Variants in ZNF74 observed in about 807,000 individuals in gnomAD.
ZNF74 encodes zinc finger protein 74, also known as zinc finger protein 520.
Under a neutral mutation model 17.7 loss-of-function variants are expected in ZNF74, and 12 were observed. The observed-to-expected ratio is 0.68, with a 90% confidence interval of 0.43 to 1.10. ZNF74 has a LOEUF of 1.10. Ranked by LOEUF, ZNF74 falls within the 50% of genes least tolerant of loss-of-function variation. The pLI is 0.00. For synonymous variants in ZNF74, 358 were observed against 362.1 expected (o/e 0.99, Z 0.13); for missense variants, 811 against 881.0 (o/e 0.92, Z 1.01).
rs758491956 is a variant in ZNF74, at chr22:20,401,274, C to T, written c.248-3C>T. The stretch of plus-strand genomic sequence containing the variant: ...GCCCAGCCCACTTTCTCTCCACGAG[C>T]AGGACCTCCACTGCACAAGCCAGAT... On this transcript the variant is annotated splice_polypyrimidine_tract_variant and splice_region_variant and intron_variant, in intron 3 of 4. Transcript: ENST00000400451. The surrounding 1 kb of genome is among the most constrained non-coding windows in gnomAD (Gnocchi z 4.2). 1 of 1,606,788 alleles carries T rather than the reference C, an allele frequency of 6.2e-7. No homozygotes were observed. The highest frequency in any genetic ancestry group is 1.1e-5 in the South Asian group (1 of 89,886).
rs777582583 is a variant in ZNF74 at position 20,406,884 on chromosome 22, C to T, written c.1851C>T (p.Asp617=). ...DAGLRDVDPI[D]ALDVAKLLCV... ...GACTGAGGGACGTGGATCCCATCGACGCGCTGGATGTGGCAAAGCTCTTGT... is the reference window on the plus strand; with the variant it reads ...GACTGAGGGACGTGGATCCCATCGATGCGCTGGATGTGGCAAAGCTCTTGT... The change falls in exon 5 of 5, where the codon GAC becomes GAT. Residue 617 remains aspartate, a synonymous_variant. Transcript: ENST00000400451. The T allele has an allele frequency of 9.3e-6, 15 of 1,613,922 alleles. No individual in the cohort carries two copies. The Admixed American group carries it at 1.8e-4, about 20-fold the overall frequency.
Position 20,394,296 on chromosome 22 carries a change from C to T in ZNF74, c.-333C>T. On this transcript the variant is annotated 5_prime_UTR_variant, in exon 1 of 5. Transcript: ENST00000400451. ...TCGCTCCGCGTCCGATGGCTCCTGG[C>T]CGCGGAACCTTAGGCCTGGCCCTGG... 2.8e-6 allele frequency: 2 copies of T among 705,486 alleles called. No individual in the cohort carries two copies. Among genetic ancestry groups the T allele is most frequent in the Non-Finnish European group, 5.3e-6 (2 of 380,916 alleles). The allele number at this position is 705,486 out of a possible 1,614,324, so 43.7% of individuals were successfully genotyped here.
rs779753219 is a variant in ZNF74 at position 20,406,971 on chromosome 22, T to C, written c.*3T>C. 6.2e-7 allele frequency: 1 copy of C among 1,607,728 alleles called. No individual in the cohort carries two copies. Among genetic ancestry groups the C allele is most frequent in the Non-Finnish European group, 8.5e-7 (1 of 1,177,024 alleles). Reference sequence around the variant, plus strand: ...TGGGGAGCAAACCTCGAAACTAACATGATGTGCTTTGGTGTCAGTAGCTGC... The same window carrying C: ...TGGGGAGCAAACCTCGAAACTAACACGATGTGCTTTGGTGTCAGTAGCTGC... On this transcript the variant is annotated 3_prime_UTR_variant, in exon 5 of 5. Coordinates refer to ENST00000400451, the MANE Select transcript of ZNF74 (RefSeq NM_003426.4).
chr22:20,397,419 A>G (rs1461035242), intron 2 of ZNF74, among the ~76,000 whole-genome samples: 1 of 152,208 alleles, frequency 6.6e-6, no homozygotes, highest in Non-Finnish European at 1.5e-5. Flanking sequence ...GCACAGTTGT[A>G]CAATTTTAAG....
rs1335850889 is a variant in ZNF74 at position 20,401,417 on chromosome 22, G to A, written c.343+45G>A. ...GAAGGGTGCCAGCCCCAGCACCCCT[G>A]GTGGCACCTCCTCCTATGGCCCCTA... On this transcript the variant is annotated intron_variant, in intron 4 of 4. Transcript: ENST00000400451. The surrounding 1 kb of genome is among the most constrained non-coding windows in gnomAD (Gnocchi z 4.2). 2.3e-6 allele frequency: 3 copies of A among 1,290,660 alleles called. No homozygotes were observed. Among genetic ancestry groups the A allele is most frequent in the African/African-American group, 2.9e-5 (2 of 68,178 alleles). The allele number at this position is 1,290,660 out of a possible 1,614,324, so 80.0% of individuals were successfully genotyped here. A position where few individuals can be genotyped will look rare whatever the true frequency, so the allele number is the denominator to read the frequency against.
At chr22:20,394,750 G>T in intron 1 of ZNF74, 88 bp downstream of exon 1, 1 of 1,273,028 alleles carries the variant, frequency 7.9e-7, no homozygotes, top group Non-Finnish European at 1.1e-6. Context: ...TTTCCCAGAA[G>T]CATCCAGCAT....
intron 4 of ZNF74, among the ~76,000 whole-genome samples, chr22:20,403,197 G>C (rs529839609): frequency 6.6e-6 from 1 of 151,634 alleles, no homozygotes; most frequent in Admixed American, 6.6e-5. Flanking sequence ...AACTTCCCTA[G>C]ACTCTTACCT....
chr22:20,397,680 A>G (rs117166287), intron 2 of ZNF74, among the ~76,000 whole-genome samples: 1 of 152,232 alleles, frequency 6.6e-6, no homozygotes, highest in East Asian at 1.9e-4. Context: ...GTTTATCCAT[A>G]TTGTTGTGTG....
Position 20,395,403 on chromosome 22 carries a change from C to T in ZNF74, c.105C>T (p.Pro35=). The T allele has an allele frequency of 6.2e-7, 1 of 1,604,802 alleles. No homozygotes were observed. The highest frequency in any genetic ancestry group is 1.1e-5 in the South Asian group (1 of 90,422). Residue 35 remains proline, a synonymous_variant, in exon 2 of 5, where the codon CCC becomes CCT. Transcript: ENST00000400451. ...AGGATATATCGGGTTGGGGTCTTCC[C>T]GAAGCCAGGTCCAAGGTGAGTGGCT... ...NLEDISGWGL[P]EARSKESVSF... is the part of the protein sequence containing the mutation.
In ZNF74 at chr22:20,394,641, G is replaced by A. The variant is rs767031851; in HGVS notation, c.13G>A (p.Ala5Thr). The A allele has an allele frequency of 3.1e-6, 5 of 1,614,042 alleles. No homozygotes were observed. The highest frequency in any genetic ancestry group is 1.3e-5 in the African/African-American group (1 of 74,942). The change falls in exon 1 of 5, where the codon GCC becomes ACC. Residue 5 changes from alanine to threonine, a missense_variant. Transcript: ENST00000400451. ...TGCCGTGGAGGCCATGGAGATCCCT[G>A]CCCCGGAGCCCGAGAAGACAGGTAC... The part of the protein sequence containing the change: MEIP[A>T]PEPEKTALSS...
chr22:20,403,207 T>G (rs187281615), intron 4 of ZNF74, among the ~76,000 whole-genome samples: 1 of 151,660 alleles, frequency 6.6e-6, no homozygotes, highest in East Asian at 2.0e-4. Context: ...GACTCTTACC[T>G]CTCACTTGGT....
rs762260509 is a variant in ZNF74, at chr22:20,406,911, C to T, written c.1878C>T (p.Cys626=). 73 of 1,613,924 alleles carry T rather than the reference C, an allele frequency of 4.5e-5. No individual in the cohort carries two copies. Among genetic ancestry groups the T allele is most frequent in the Admixed American group, 2.2e-4 (13 of 60,010 alleles). Residue 626 remains cysteine (C), a synonymous_variant, in exon 5 of 5, where the codon TGC becomes TGT. Coordinates refer to ENST00000400451, the MANE Select transcript of ZNF74 (RefSeq NM_003426.4). ...IDALDVAKLL[C]VVPPRAGRNF... ...CGCTGGATGTGGCAAAGCTCTTGTG[C>T]GTGGTTCCCCCCAGAGCTGGCAGGA... is the stretch of plus-strand genomic sequence containing the variant.
At chr22:20,397,158 C>G (rs1019048057) in intron 2 of ZNF74, among the ~76,000 whole-genome samples, 1 of 151,814 alleles carries the variant, frequency 6.6e-6, no homozygotes, top group South Asian at 2.1e-4. Flanking sequence ...CTCACTGCAG[C>G]CTTCAACTCC....
chr22:20,394,390 TG>T lies in ZNF74; in HGVS notation c.-235del. On this transcript the variant is annotated 5_prime_UTR_variant, in exon 1 of 5. It introduces an in-frame stop codon into an upstream open reading frame of the 5' UTR. Coordinates refer to ENST00000400451, the MANE Select transcript of ZNF74 (RefSeq NM_003426.4). ...TGCCGGGGCGTGAGTGCGCCGAGCA[TG>T]GGGCTGAGCCTGGTGTGGGGAGTGG... The T allele has an allele frequency of 1.5e-6, 1 of 669,480 alleles. No homozygotes were observed. The allele number at this position is 669,480 out of a possible 1,614,324, so 41.5% of individuals were successfully genotyped here.
chr22:20,395,241 C>G, intron 1 of ZNF74, 92 bp from the exon 2 acceptor site: 1 of 959,016 alleles, frequency 1.0e-6, no homozygotes, highest in Non-Finnish European at 1.6e-6. Context: ...GTTCTGCCTC[C>G]TCTCTGATTC....
In ZNF74 at chr22:20,401,132, C is replaced by T. The variant is rs551029122; in HGVS notation, c.248-145C>T. The stretch of plus-strand genomic sequence containing the variant: ...TGGGATTTGGGTTCCAGTCTGAGAC[C>T]CTCACTGCTTTTGGCCCAGAGGACC... On this transcript the variant is annotated intron_variant, in intron 3 of 4. Coordinates refer to ENST00000400451, the MANE Select transcript of ZNF74 (RefSeq NM_003426.4). The surrounding 1 kb of genome is among the most constrained non-coding windows in gnomAD (Gnocchi z 4.2). 258 of 625,248 alleles carry T rather than the reference C, an allele frequency of 4.1e-4. 1 individual carries two copies. The highest frequency in any genetic ancestry group is 4.0e-3 in the African/African-American group (219 of 54,386). The allele number at this position is 625,248 out of a possible 1,614,324, so 38.7% of individuals were successfully genotyped here.
At chr22:20,403,006 G>A (rs527738225) in intron 4 of ZNF74, among the ~76,000 whole-genome samples, 8 of 151,938 alleles carry the variant, frequency 5.3e-5, no homozygotes, top group East Asian at 1.9e-4. Context: ...ATGCACCCTC[G>A]GAAGCACAGC....
At position 20,407,075 on chromosome 22, in the gene ZNF74, AGCCTT is replaced by A. The variant is rs1222725545; in HGVS notation, c.*113_*117del. On this transcript the variant is annotated 3_prime_UTR_variant, in exon 5 of 5. Coordinates refer to ENST00000400451, the MANE Select transcript of ZNF74 (RefSeq NM_003426.4). Reference sequence around the variant, plus strand: ...CAGACCACCTTCCTCCAGGTGTGGGAGCCTTGCCTTATCACCCCCATCAGGTCTGC... The same window carrying A: ...CAGACCACCTTCCTCCAGGTGTGGGAGCCTTATCACCCCCATCAGGTCTGC... 2.1e-6 allele frequency: 3 copies of A among 1,451,744 alleles called. No homozygotes were observed. The East Asian group carries it at 7.4e-5, about 36-fold the overall frequency. The allele number at this position is 1,451,744 out of a possible 1,614,324, so 89.9% of individuals were successfully genotyped here.
intron 1 of ZNF74, chr22:20,394,913 A>G: frequency 3.8e-6 from 2 of 532,326 alleles, no homozygotes; most frequent in Middle Eastern, 5.0e-4. Flanking sequence ...GGCGCGCGCC[A>G]CCACGCCCGG....
Sources: gnomAD v4.1 joint callset for allele counts (sites outside exome capture counted in the v4.1 genomes callset) on GRCh38, gnomAD v4.1.1 for gene constraint, Gnocchi (gnomAD v3.1) non-coding constraint, MANE v1.5 for transcripts, NCBI Gene and HGNC (gene_info 2026-07-23, HGNC 2026-07-21) for gene names.